NRXN3: variants seen among roughly 807,000 people sequenced by gnomAD.
NRXN3 encodes neurexin 3, also known as neurexin III.
In NRXN3, 32 loss-of-function variants were observed where a neutral mutation model predicts 137.6. The observed-to-expected ratio is 0.23, with a 90% CI of 0.18 to 0.31. NRXN3 has a LOEUF of 0.31. Ranked by LOEUF, NRXN3 falls within the 10% of genes least tolerant of loss-of-function variation. The probability of loss-of-function intolerance (pLI) is 1.00; values close to 1 mark genes in which losing one functional copy is unlikely to be tolerated. For synonymous variants in NRXN3, 798 were observed against 784.5 expected (o/e 1.02, Z -0.29); for missense variants, 1,574 against 2,062.5 (o/e 0.76, Z 4.59).
intron 2 of NRXN3, among the ~76,000 whole-genome samples, chr14:78,267,611 A>C (rs1596547216): frequency 6.6e-6 from 1 of 152,178 alleles, no homozygotes; most frequent in Non-Finnish European, 1.5e-5. Context: ...TGGGAGGTCC[A>C]CTTGATCATG....
chr14:79,324,411 G>A (rs1158493692), intron 15 of NRXN3, among the ~76,000 whole-genome samples: 1 of 152,176 alleles, frequency 6.6e-6, no homozygotes, highest in East Asian at 1.9e-4. Flanking sequence ...AGGCTTGCAG[G>A]AAGAGAAAAT....
intron 16 of NRXN3, among the ~76,000 whole-genome samples, chr14:79,471,127 A>G (rs575911162): frequency 6.6e-6 from 1 of 152,200 alleles, no homozygotes; most frequent in South Asian, 2.1e-4. Flanking sequence ...TTTACCCCCA[A>G]GTGGACTTAT....
intron 6 of NRXN3, among the ~76,000 whole-genome samples, chr14:78,693,097 A>C (rs2098189113): frequency 6.6e-6 from 1 of 151,898 alleles, no homozygotes; most frequent in Non-Finnish European, 1.5e-5. Flanking sequence ...ACAAAACAAA[A>C]CAAAACAAAC....
rs1261838456 is a variant in NRXN3 at position 78,836,814 on chromosome 14, C to G, written c.2275+26470C>G. ...TTTAAATACTTTCAGCATTGGCATACCTGAGGAGATAATAGACTATGAGTA... is the reference window on the plus strand; with the variant it reads ...TTTAAATACTTTCAGCATTGGCATAGCTGAGGAGATAATAGACTATGAGTA... On this transcript the variant is annotated intron_variant, in intron 10 of 20. Transcript: ENST00000335750. Among the ~76,000 whole-genome samples, 6 of 152,124 alleles carry G rather than the reference C, an allele frequency of 3.9e-5. No individual in the cohort carries two copies. The East Asian group carries it at 1.2e-3, about 29-fold the overall frequency.
chr14:79,143,094 G>T (rs1243909269), intron 15 of NRXN3, among the ~76,000 whole-genome samples: 1 of 152,072 alleles, frequency 6.6e-6, no homozygotes, highest in Non-Finnish European at 1.5e-5. Flanking sequence ...TATTTTCATA[G>T]GGTTCTGTTT....
intron 15 of NRXN3, among the ~76,000 whole-genome samples, chr14:79,338,958 C>G (rs2092440408): frequency 6.6e-6 from 1 of 152,160 alleles, no homozygotes; most frequent in African/African-American, 2.4e-5. Flanking sequence ...CAAAGCGCAA[C>G]AGAATAGAGA....
chr14:79,083,181 T>A (rs915626530), intron 15 of NRXN3, among the ~76,000 whole-genome samples: 14 of 152,334 alleles, frequency 9.2e-5, no homozygotes, highest in African/African-American at 3.4e-4. Context: ...AGAAGTCTTT[T>A]TCCTGCAGCA....
In NRXN3 at chr14:78,908,276, C is replaced by T. The variant is rs186728291; in HGVS notation, c.2276-48966C>T. On this transcript the variant is annotated intron_variant, in intron 10 of 20. Coordinates refer to ENST00000335750, the MANE Select transcript of NRXN3 (RefSeq NM_001330195.2). Reference sequence around the variant, plus strand: ...AAGTAGTGTAGAGTTGTACGAGACTCCTGAATTTATTTAGTCCAATGTTTC... The same window carrying T: ...AAGTAGTGTAGAGTTGTACGAGACTTCTGAATTTATTTAGTCCAATGTTTC... 2.7e-4 allele frequency among the ~76,000 whole-genome samples: 41 copies of T among 152,082 alleles called. 1 individual carries two copies. The highest frequency in any genetic ancestry group is 2.2e-3 in the Admixed American group (34 of 15,246).
chr14:79,687,568 A>G (rs1456689713), intron 17 of NRXN3, among the ~76,000 whole-genome samples: 2 of 152,220 alleles, frequency 1.3e-5, no homozygotes, highest in African/African-American at 4.8e-5. Context: ...CAACAAAGCA[A>G]TAAAGAAAAT....
intron 1 of NRXN3, among the ~76,000 whole-genome samples, chr14:78,183,337 C>T (rs987487148): frequency 1.3e-5 from 2 of 152,250 alleles, no homozygotes; most frequent in Non-Finnish European, 2.9e-5. Context: ...TTTTGTGTCC[C>T]ACCCTCTGCG....
At chr14:79,477,582 C>T (rs1048994860) in intron 16 of NRXN3, among the ~76,000 whole-genome samples, 2 of 152,014 alleles carry the variant, frequency 1.3e-5, no homozygotes, top group South Asian at 2.1e-4. Flanking sequence ...GAGTTTTATA[C>T]CAATGATCGA....
At chr14:79,710,082 T>A (rs2098797455) in intron 19 of NRXN3, among the ~76,000 whole-genome samples, 1 of 152,174 alleles carries the variant, frequency 6.6e-6, no homozygotes, top group East Asian at 1.9e-4. Context: ...TTTGTTTGTT[T>A]TATTGTTGCT....
intron 17 of NRXN3, among the ~76,000 whole-genome samples, chr14:79,687,941 G>C (rs1567893790): frequency 6.6e-6 from 1 of 152,172 alleles, no homozygotes; most frequent in East Asian, 1.9e-4. Context: ...AACATATAAA[G>C]TGATAGATAA....
chr14:78,895,985 A>G (rs920323759), intron 10 of NRXN3, among the ~76,000 whole-genome samples: 1 of 151,912 alleles, frequency 6.6e-6, no homozygotes, highest in African/African-American at 2.4e-5. Flanking sequence ...TCTCAGATAT[A>G]ATAATAATGA....
intron 15 of NRXN3, among the ~76,000 whole-genome samples, chr14:79,121,843 G>A (rs566550972): frequency 3.3e-4 from 50 of 152,200 alleles, no homozygotes; most frequent in Non-Finnish European, 6.5e-4. Flanking sequence ...TTAGAAGGCT[G>A]GAGTTATGAA....
chr14:78,251,189 C>T (rs1301306974), intron 2 of NRXN3, among the ~76,000 whole-genome samples: 1 of 152,178 alleles, frequency 6.6e-6, no homozygotes, highest in East Asian at 1.9e-4. Flanking sequence ...TTACCTCACT[C>T]AGGGTTGGTG....
chr14:79,234,965 C>T (rs760762848), intron 15 of NRXN3, among the ~76,000 whole-genome samples: 5 of 152,158 alleles, frequency 3.3e-5, no homozygotes, highest in Non-Finnish European at 5.9e-5. Context: ...TTATGTGAGT[C>T]TCCTTTTCAA....
At chr14:78,189,866 T>C (rs1419374659) in intron 1 of NRXN3, among the ~76,000 whole-genome samples, 4 of 152,192 alleles carry the variant, frequency 2.6e-5, no homozygotes. Flanking sequence ...TGTGCATAGA[T>C]GAGCCTCATT....
chr14:78,351,115 CATTAT>C, intron 4 of NRXN3, among the ~76,000 whole-genome samples: 1 of 152,288 alleles, frequency 6.6e-6, no homozygotes, highest in Non-Finnish European at 1.5e-5. Flanking sequence ...TGTTCATAAA[CATTAT>C]ATAGTACTCA....
Sources: allele counts gnomAD v4.1 joint callset (sites outside exome capture counted in the v4.1 genomes callset), GRCh38; gene constraint gnomAD v4.1.1; transcripts MANE v1.5; gene names NCBI Gene and HGNC (gene_info 2026-07-23, HGNC 2026-07-21).